FHIT: variants seen among roughly 807,000 people sequenced by gnomAD.
The protein encoded by FHIT is bis(5'-adenosyl)-triphosphatase.
Under a neutral mutation model 17.9 loss-of-function variants are expected in FHIT, and 19 were observed. The observed-to-expected ratio is 1.06, with a 90% CI of 0.74 to 1.56. The LOEUF (loss-of-function observed/expected upper bound fraction) is 1.56. Ranked by LOEUF, FHIT falls within the 40% of genes most tolerant of loss-of-function variation. The pLI is 0.00. For missense variants in FHIT, 248 were observed against 189.2 expected (o/e 1.31, Z -1.82); for synonymous variants, 81 against 69.7 (o/e 1.16, Z -0.81).
At chr3:60,223,762 C>G (rs996927917) in intron 5 of FHIT, among the ~76,000 whole-genome samples, 1 of 152,140 alleles carries the variant, frequency 6.6e-6, no homozygotes, top group Non-Finnish European at 1.5e-5. Flanking sequence ...ATTCTCTGAA[C>G]CTTTGGATTT....
intron 4 of FHIT, among the ~76,000 whole-genome samples, chr3:60,544,596 AT>A (rs33965820): frequency 1.1e-4 from 14 of 124,400 alleles, no homozygotes; most frequent in African/African-American, 2.4e-4. Flanking sequence ...TTCTCAACCT[AT>A]TTTTTTTTTT....
chr3:59,921,876 A>C (rs1034222008), intron 8 of FHIT, among the ~76,000 whole-genome samples: 1 of 152,256 alleles, frequency 6.6e-6, no homozygotes, highest in Non-Finnish European at 1.5e-5. Flanking sequence ...ACTCAAACCA[A>C]CCTAGTTTTT....
chr3:60,366,960 T>C (rs1264378623), intron 5 of FHIT, among the ~76,000 whole-genome samples: 1 of 152,222 alleles, frequency 6.6e-6, no homozygotes, highest in African/African-American at 2.4e-5. Flanking sequence ...TAAGTGAAAA[T>C]ATCCATCTGA....
chr3:60,520,656 A>G (rs1282850763), intron 5 of FHIT, among the ~76,000 whole-genome samples: 2 of 152,080 alleles, frequency 1.3e-5, no homozygotes, highest in Admixed American at 6.6e-5. Context: ...TTCAAAAAAA[A>G]AATCCATTAA....
chr3:60,707,910 T>C (rs896904441), intron 4 of FHIT, among the ~76,000 whole-genome samples: 2 of 152,218 alleles, frequency 1.3e-5, no homozygotes, highest in Admixed American at 6.5e-5. Flanking sequence ...TTTTAAATAG[T>C]CTTCAAAAGC....
At position 61,103,517 on chromosome 3, in the gene FHIT, G is replaced by T. The variant is rs13065918; in HGVS notation, c.-163-61418C>A. 7.6e-3 allele frequency among the ~76,000 whole-genome samples: 1,161 copies of T among 152,300 alleles called. 13 individuals are homozygous for T. Among genetic ancestry groups the T allele is most frequent in the Non-Finnish European group, 0.011 (719 of 68,028 alleles). On this transcript the variant is annotated intron_variant, in intron 2 of 9. Transcript: ENST00000492590. ...AATACATGCAATGTGGTGCTGAGAAGAATGTATATTCTGTTGATTTGGAGT... is the reference window on the plus strand; with the variant it reads ...AATACATGCAATGTGGTGCTGAGAATAATGTATATTCTGTTGATTTGGAGT...
At chr3:60,750,816 C>T (rs1553716621) in intron 4 of FHIT, among the ~76,000 whole-genome samples, 2 of 152,314 alleles carry the variant, frequency 1.3e-5, no homozygotes, top group Middle Eastern at 3.4e-3. Context: ...CTGCTTATTC[C>T]TCTTATTCCG....
chr3:60,506,298 G>T (rs1054933226), intron 5 of FHIT, among the ~76,000 whole-genome samples: 3 of 152,130 alleles, frequency 2.0e-5, no homozygotes, highest in Non-Finnish European at 4.4e-5. Context: ...TATTCCATAG[G>T]ATCTGTAGCA....
intron 5 of FHIT, among the ~76,000 whole-genome samples, chr3:60,290,258 G>T (rs1399151573): frequency 6.6e-6 from 1 of 152,108 alleles, no homozygotes; most frequent in East Asian, 1.9e-4. Flanking sequence ...TTCTAAAATG[G>T]CTCCTAATCA....
chr3:60,581,382 T>C (rs2037744758), intron 4 of FHIT, among the ~76,000 whole-genome samples: 1 of 152,090 alleles, frequency 6.6e-6, no homozygotes, highest in Admixed American at 6.6e-5. Context: ...TATCATATGC[T>C]GTCTTGATAC....
Position 60,628,317 on chromosome 3 carries a change from A to T in FHIT, c.-17-91338T>A, listed in dbSNP as rs77606778. On this transcript the variant is annotated intron_variant, in intron 4 of 9. Transcript: ENST00000492590. ...GTAGCTAGAGAATATACTTTATATG[A>T]TTTCAATCATTTGAATATATTGAGG... Among the ~76,000 whole-genome samples, 1,402 of 152,278 alleles carry T rather than the reference A, an allele frequency of 9.2e-3. 13 individuals are homozygous for T. The highest frequency in any genetic ancestry group is 0.031 in the African/African-American group (1,307 of 41,546).
rs10633871 is a variant in FHIT at position 59,868,034 on chromosome 3, G to GTTTT, written c.348+54308_348+54311dup. Among the ~76,000 whole-genome samples the GTTTT allele has an allele frequency of 3.1e-3, 294 of 95,800 alleles. 2 individuals are homozygous for GTTTT. Among genetic ancestry groups the GTTTT allele is most frequent in the African/African-American group, 4.4e-3 (106 of 24,324 alleles). 62.8% of individuals were successfully genotyped at this position (95,800 alleles called of 152,430 possible). On this transcript the variant is annotated intron_variant, in intron 8 of 9. Coordinates refer to ENST00000492590, the MANE Select transcript of FHIT (RefSeq NM_002012.4). ...ATGAATGAACTACTGCTGTGGAAAT[G>GTTTT]TTTTTTTTTTTTTAAAAAAAAAAAA...
chr3:61,116,030 G>A (rs190029443), intron 2 of FHIT, among the ~76,000 whole-genome samples: 1 of 152,258 alleles, frequency 6.6e-6, no homozygotes, highest in East Asian at 1.9e-4. Flanking sequence ...AAAAATGCTA[G>A]AAGATAAAAG....
chr3:60,859,723 ATTTTTTTTTTTTTTTTTTT>A (rs71092647), intron 3 of FHIT, among the ~76,000 whole-genome samples: 8 of 51,926 alleles, frequency 1.5e-4, no homozygotes, highest in African/African-American at 2.3e-4. Flanking sequence ...TCTGAATACG[ATTTTTTTTTTTTTTTTTTT>A]TTTTTTTTTT....
intron 8 of FHIT, among the ~76,000 whole-genome samples, chr3:59,872,659 T>G (rs1702976032): frequency 6.6e-6 from 1 of 152,224 alleles, no homozygotes; most frequent in South Asian, 2.1e-4. Context: ...TGAAGAGTTA[T>G]GGATGTTTCT....
intron 7 of FHIT, among the ~76,000 whole-genome samples, chr3:59,968,388 C>T (rs1267378923): frequency 2.0e-5 from 3 of 151,824 alleles, no homozygotes; most frequent in Non-Finnish European, 4.4e-5. Context: ...CTCAGCTCTA[C>T]TTAAGAAACA....
At chr3:60,615,217 C>T (rs1553675402) in intron 4 of FHIT, among the ~76,000 whole-genome samples, 2 of 152,156 alleles carry the variant, frequency 1.3e-5, no homozygotes, top group East Asian at 1.9e-4. Context: ...ATCTAGCTTT[C>T]CTGGAGGGAT....
chr3:60,484,651 C>T (rs933186209), intron 5 of FHIT, among the ~76,000 whole-genome samples: 13 of 152,084 alleles, frequency 8.5e-5, no homozygotes, highest in African/African-American at 2.9e-4. Context: ...CTTCCTTACA[C>T]CTTATACAAA....
intron 4 of FHIT, among the ~76,000 whole-genome samples, chr3:60,641,680 C>T (rs925935458): frequency 2.6e-5 from 4 of 152,106 alleles, no homozygotes; most frequent in Non-Finnish European, 5.9e-5. Flanking sequence ...GGAATTTCAC[C>T]ATCCTTCTTC....
Sources: allele counts gnomAD v4.1 joint callset (sites outside exome capture counted in the v4.1 genomes callset), GRCh38; gene constraint gnomAD v4.1.1; transcripts MANE v1.5; gene names NCBI Gene and HGNC (gene_info 2026-07-23, HGNC 2026-07-21).